Variants in CSMD1 observed in about 807,000 individuals in gnomAD.
CSMD1 encodes the protein CUB and Sushi multiple domains 1.
CSMD1 carries 213 observed loss-of-function variants against 417.5 expected under a neutral mutation model. The ratio of observed to expected loss-of-function variants is 0.51; its 90% CI spans 0.46 to 0.57. The LOEUF (loss-of-function observed/expected upper bound fraction) is 0.57. Among genes scored for constraint, CSMD1 ranks in the 20% least tolerant of loss-of-function variants. CSMD1 has a pLI of 0.00. For synonymous variants in CSMD1, 2,862 were observed against 1,736.8 expected, an observed-to-expected ratio of 1.65 and a Z score of -16.11; for missense variants, 6,923 against 4,529.7, an observed-to-expected ratio of 1.53 and a Z score of -15.17.
intron 33 of CSMD1, among the ~76,000 whole-genome samples, chr8:3,198,073 T>G (rs1252802390): frequency 1.3e-5 from 2 of 152,338 alleles, no homozygotes; most frequent in East Asian, 3.9e-4. Context: ...TGTTCTTTTC[T>G]TTCTACTTTT....
chr8:4,494,938 C>T (rs1801902165), intron 2 of CSMD1, among the ~76,000 whole-genome samples: 1 of 151,700 alleles, frequency 6.6e-6, no homozygotes, highest in Non-Finnish European at 1.5e-5. Flanking sequence ...CAGTGATATA[C>T]ATAATTAAAA....
chr8:4,258,820 G>C (rs1422935458), intron 3 of CSMD1, among the ~76,000 whole-genome samples: 1 of 152,094 alleles, frequency 6.6e-6, no homozygotes, highest in Non-Finnish European at 1.5e-5. Flanking sequence ...CACAGCAGCA[G>C]AAAGATCAGG....
chr8:4,342,205 CTGTGTG>C lies in CSMD1; in HGVS notation c.415+77742_415+77747del, dbSNP rs58235838. 6.0e-3 allele frequency among the ~76,000 whole-genome samples: 898 copies of C among 150,676 alleles called. 10 individuals are homozygous for C. The highest frequency in any genetic ancestry group is 0.049 in the East Asian group (250 of 5,068). On this transcript the variant is annotated intron_variant, in intron 3 of 69. Coordinates refer to ENST00000635120, the MANE Select transcript of CSMD1 (RefSeq NM_033225.6). ...TGCAAACTTGGCAGCAGTGCTGTGT[CTGTGTG>C]TGTGTGTGTGTGTGTGTGTGTCTGT...
intron 3 of CSMD1, among the ~76,000 whole-genome samples, chr8:4,069,145 A>G (rs999886404): frequency 1.3e-4 from 20 of 152,170 alleles, no homozygotes; most frequent in Admixed American, 3.9e-4. Context: ...TGTTCATAGG[A>G]GACTGGTTGC....
At chr8:3,923,950 G>T (rs561033783) in intron 5 of CSMD1, among the ~76,000 whole-genome samples, 1 of 152,110 alleles carries the variant, frequency 6.6e-6, no homozygotes. Context: ...CATTATTACA[G>T]TATTAGAATA....
chr8:3,260,609 G>C (rs890739373), intron 26 of CSMD1, among the ~76,000 whole-genome samples: 2 of 151,514 alleles, frequency 1.3e-5, no homozygotes, highest in Admixed American at 1.3e-4. Flanking sequence ...AGAGGCTGAG[G>C]ATGGCTCCAG....
chr8:3,999,666 C>G (rs1253880952), intron 4 of CSMD1, among the ~76,000 whole-genome samples: 1 of 152,104 alleles, frequency 6.6e-6, no homozygotes, highest in African/African-American at 2.4e-5. Context: ...GGATGCCAGG[C>G]TGGTCTACAC....
intron 2 of CSMD1, among the ~76,000 whole-genome samples, chr8:4,424,417 G>A (rs983060214): frequency 6.6e-6 from 1 of 151,864 alleles, no homozygotes; most frequent in Non-Finnish European, 1.5e-5. Flanking sequence ...CATCCAGACG[G>A]CAAATAAGCC....
At chr8:3,612,063 A>G (rs1801920880) in intron 8 of CSMD1, among the ~76,000 whole-genome samples, 1 of 152,114 alleles carries the variant, frequency 6.6e-6, no homozygotes, top group Non-Finnish European at 1.5e-5. Flanking sequence ...ATATTTAATT[A>G]AAACAATGTT....
At chr8:4,489,372 A>G (rs1210249234) in intron 2 of CSMD1, among the ~76,000 whole-genome samples, 3 of 152,230 alleles carry the variant, frequency 2.0e-5, no homozygotes, top group African/African-American at 7.2e-5. Flanking sequence ...ACATCCATGT[A>G]TATTTCACAT....
intron 5 of CSMD1, among the ~76,000 whole-genome samples, chr8:3,829,122 C>A (rs954443266): frequency 5.3e-5 from 8 of 151,904 alleles, no homozygotes; most frequent in Non-Finnish European, 1.5e-5. Flanking sequence ...ACCTGGTGCA[C>A]CCATCACCCA....
intron 3 of CSMD1, among the ~76,000 whole-genome samples, chr8:4,210,851 T>C (rs938616479): frequency 1.6e-4 from 24 of 152,214 alleles, no homozygotes; most frequent in South Asian, 1.5e-3. Flanking sequence ...GGGAAAGAAA[T>C]GTTTCACAGC....
chr8:3,524,044 G>C (rs1469319375), intron 10 of CSMD1, among the ~76,000 whole-genome samples: 5 of 129,708 alleles, frequency 3.9e-5, no homozygotes, highest in East Asian at 2.4e-4. Flanking sequence ...TGCACACCCA[G>C]AGACACGTGC....
intron 2 of CSMD1, among the ~76,000 whole-genome samples, chr8:4,601,707 C>G (rs1800594700): frequency 6.6e-6 from 1 of 152,208 alleles, no homozygotes; most frequent in Non-Finnish European, 1.5e-5. Context: ...GTGATCTCCA[C>G]TCACGGCATT....
intron 5 of CSMD1, among the ~76,000 whole-genome samples, chr8:3,769,374 A>C (rs2129058357): frequency 6.6e-6 from 1 of 151,948 alleles, no homozygotes; most frequent in Admixed American, 6.6e-5. Flanking sequence ...AATATCCATT[A>C]AATACTATGT....
chr8:3,593,543 G>A (rs748398990), intron 8 of CSMD1, among the ~76,000 whole-genome samples: 3 of 152,178 alleles, frequency 2.0e-5, no homozygotes, highest in Non-Finnish European at 4.4e-5. Flanking sequence ...ACGTCCTTGA[G>A]AGAGAGTGAA....
chr8:4,974,150 G>GAGATTACA (rs893661975), intron 1 of CSMD1, among the ~76,000 whole-genome samples: 7 of 151,580 alleles, frequency 4.6e-5, no homozygotes, highest in African/African-American at 1.7e-4. Flanking sequence ...CCGAGTAGCT[G>GAGATTACA]AGATTACAGG....
chr8:4,281,335 G>A (rs1424109215), intron 3 of CSMD1, among the ~76,000 whole-genome samples: 3 of 152,226 alleles, frequency 2.0e-5, no homozygotes, highest in Non-Finnish European at 4.4e-5. Context: ...GGTGGTCCCA[G>A]GCCCACAGAG....
intron 3 of CSMD1, among the ~76,000 whole-genome samples, chr8:4,158,650 G>A (rs980591102): frequency 6.6e-6 from 1 of 152,070 alleles, no homozygotes; most frequent in African/African-American, 2.4e-5. Flanking sequence ...TGGTGGTAGT[G>A]GAAGATCAAC....
Sources: allele counts gnomAD v4.1 joint callset (sites outside exome capture counted in the v4.1 genomes callset), GRCh38; gene constraint gnomAD v4.1.1; transcripts MANE v1.5; gene names NCBI Gene and HGNC (gene_info 2026-07-23, HGNC 2026-07-21).